The following MRTFA variants were observed in gnomAD, a reference collection of about 807,000 sequenced individuals.
The protein encoded by MRTFA is myocardin-related transcription factor A.
Under a neutral mutation model 83.5 loss-of-function variants are expected in MRTFA, and 20 were observed. That is an observed-to-expected ratio of 0.24 (90% confidence interval 0.17 to 0.35). MRTFA has a LOEUF of 0.35. MRTFA is among the 10% of genes least tolerant of loss of function. MRTFA has a pLI of 1.00. For missense variants in MRTFA, 1,200 were observed against 1,224.7 expected (o/e 0.98, Z 0.30); for synonymous variants, 659 against 541.2 (o/e 1.22, Z -3.02).
intron 3 of MRTFA, among the ~76,000 whole-genome samples, chr22:40,484,883 C>T (rs2054149627): frequency 6.6e-6 from 1 of 151,882 alleles, no homozygotes; most frequent in Non-Finnish European, 1.5e-5. Flanking sequence ...CCATCCTGGC[C>T]AACATGGTGA....
chr22:40,573,565 CTTCTGAAA>C, intron 2 of MRTFA, among the ~76,000 whole-genome samples: 1 of 151,844 alleles, frequency 6.6e-6, no homozygotes, highest in Non-Finnish European at 1.5e-5. Context: ...GAATTATGTA[CTTCTGAAA>C]GGTGAATTTT....
At chr22:40,519,182 A>AACAAAAAAAAAAAAT (rs1170142176) in intron 3 of MRTFA, among the ~76,000 whole-genome samples, 1 of 152,056 alleles carries the variant, frequency 6.6e-6, no homozygotes, top group Non-Finnish European at 1.5e-5. Flanking sequence ...AATAAAAAAG[A>AACAAAAAAAAAAAAT]TGTGTCCACC....
At chr22:40,500,423 C>A (rs1169651918) in intron 3 of MRTFA, among the ~76,000 whole-genome samples, 1 of 89,696 alleles carries the variant, frequency 1.1e-5, no homozygotes, top group Admixed American at 1.2e-4. Context: ...ATTGATAATT[C>A]TTGGGTGTTT....
intron 3 of MRTFA, among the ~76,000 whole-genome samples, chr22:40,477,175 C>CAAAAA (rs55932110): frequency 3.4e-5 from 2 of 59,612 alleles, no homozygotes; most frequent in African/African-American, 6.2e-5. Context: ...ACTAAAAATA[C>CAAAAA]AAAAAAAAAA....
At chr22:40,596,652 C>T (rs184481875) in intron 1 of MRTFA, among the ~76,000 whole-genome samples, 1 of 152,186 alleles carries the variant, frequency 6.6e-6, no homozygotes, top group East Asian at 1.9e-4. Flanking sequence ...ATACAAAATA[C>T]AAAAATTAGC....
At chr22:40,588,360 T>C (rs1322394813) in intron 2 of MRTFA, among the ~76,000 whole-genome samples, 1 of 152,154 alleles carries the variant, frequency 6.6e-6, no homozygotes, top group Non-Finnish European at 1.5e-5. Context: ...TAAAACATTA[T>C]CTACTGATTT....
chr22:40,480,089 G>T (rs558221410), intron 3 of MRTFA, among the ~76,000 whole-genome samples: 12 of 152,258 alleles, frequency 7.9e-5, no homozygotes, highest in African/African-American at 2.9e-4. Flanking sequence ...AAGCTATGCA[G>T]ACGATACAAC....
At chr22:40,565,558 A>G (rs1227634117) in intron 2 of MRTFA, among the ~76,000 whole-genome samples, 4 of 152,204 alleles carry the variant, frequency 2.6e-5, no homozygotes, top group African/African-American at 9.7e-5. Context: ...ACTTCAAAAA[A>G]AAACAAAAGA....
chr22:40,498,262 T>C (rs1177743171), intron 3 of MRTFA, among the ~76,000 whole-genome samples: 2 of 93,182 alleles, frequency 2.1e-5, no homozygotes, highest in Non-Finnish European at 4.3e-5. Flanking sequence ...CATATATATA[T>C]ATATATATAT....
chr22:40,421,928 G>A (rs1020553540), intron 9 of MRTFA, among the ~76,000 whole-genome samples: 1 of 152,226 alleles, frequency 6.6e-6, no homozygotes, highest in Non-Finnish European at 1.5e-5. Flanking sequence ...TTGGGCAGGT[G>A]ACCCACTAGT....
chr22:40,508,107 T>C (rs770694119), intron 3 of MRTFA, among the ~76,000 whole-genome samples: 2 of 151,944 alleles, frequency 1.3e-5, no homozygotes, highest in East Asian at 1.9e-4. Context: ...CTAGCAGCAA[T>C]TGAAGACAAT....
chr22:40,474,043 C>T (rs2053954823), intron 3 of MRTFA, among the ~76,000 whole-genome samples: 2 of 152,260 alleles, frequency 1.3e-5, no homozygotes, highest in South Asian at 2.1e-4. Context: ...ATTCACTCAC[C>T]TAACAAGTAT....
chr22:40,471,479 T>C (rs1392518954), intron 3 of MRTFA, among the ~76,000 whole-genome samples: 1 of 151,886 alleles, frequency 6.6e-6, no homozygotes, highest in Non-Finnish European at 1.5e-5. Context: ...AAGAAAGAAA[T>C]AGAACATCGG....
chr22:40,429,838 G>A, intron 6 of MRTFA, 71 bp from the exon 7 acceptor site: 3 of 1,473,984 alleles, frequency 2.0e-6, no homozygotes, highest in Non-Finnish European at 2.7e-6. Context: ...GAACTCCAGA[G>A]CAGCTCTCCT....
At chr22:40,543,365 T>C (rs1204579140) in intron 3 of MRTFA, among the ~76,000 whole-genome samples, 1 of 152,200 alleles carries the variant, frequency 6.6e-6, no homozygotes, top group Non-Finnish European at 1.5e-5. Context: ...ATCTGTCCTT[T>C]ATTCCACAGG....
intron 4 of MRTFA, among the ~76,000 whole-genome samples, chr22:40,459,276 T>G (rs1310975661): frequency 1.3e-5 from 2 of 148,720 alleles, no homozygotes; most frequent in African/African-American, 5.0e-5. Flanking sequence ...GCCTCGTTTT[T>G]GGGAACACCA....
intron 3 of MRTFA, among the ~76,000 whole-genome samples, chr22:40,492,427 A>G (rs916810031): frequency 1.3e-5 from 2 of 152,208 alleles, no homozygotes; most frequent in African/African-American, 4.8e-5. Context: ...CCAAATGCCA[A>G]AAAGCAGAAC....
chr22:40,514,593 C>T (rs1246891152), intron 3 of MRTFA, among the ~76,000 whole-genome samples: 2 of 151,252 alleles, frequency 1.3e-5, no homozygotes, highest in African/African-American at 2.4e-5. Flanking sequence ...TCTGCCTCAG[C>T]CTCCTGAGTG....
At chr22:40,414,683 A>G (rs1391828674) in intron 14 of MRTFA, among the ~76,000 whole-genome samples, 1 of 152,182 alleles carries the variant, frequency 6.6e-6, no homozygotes, top group Non-Finnish European at 1.5e-5. Context: ...CCATAGAGAA[A>G]GTGGGATGGG....
Sources: allele counts gnomAD v4.1 joint callset (sites outside exome capture counted in the v4.1 genomes callset), GRCh38; gene constraint gnomAD v4.1.1; transcripts MANE v1.5; gene names NCBI Gene and HGNC (gene_info 2026-07-23, HGNC 2026-07-21).